The following CYP2J2 variants were observed in gnomAD, a reference collection of about 807,000 sequenced individuals.
CYP2J2 encodes the protein cytochrome P450 family 2 subfamily J member 2.
CYP2J2 carries 41 observed loss-of-function variants against 48.8 expected under a neutral mutation model. The ratio of observed to expected loss-of-function variants is 0.84; its 90% confidence interval spans 0.66 to 1.09. The LOEUF is 1.09. Among genes scored for constraint, CYP2J2 ranks in the 50% least tolerant of loss-of-function variants. The pLI, the probability that CYP2J2 is intolerant of heterozygous loss-of-function variation, is 0.00. For missense variants in CYP2J2, 644 were observed against 617.3 expected, an observed-to-expected ratio of 1.04 and a Z score of -0.46; for synonymous variants, 221 against 227.1, an observed-to-expected ratio of 0.97 and a Z score of 0.24.
chr1:59,920,187 A>G (rs1316747304), intron 1 of CYP2J2, among the ~76,000 whole-genome samples: 1 of 151,448 alleles, frequency 6.6e-6, no homozygotes, highest in Non-Finnish European at 1.5e-5. Context: ...CAGACAAACA[A>G]AAACCAACAA....
the CYP2J2 span, among the ~76,000 whole-genome samples, chr1:59,938,027 T>C: frequency 6.6e-6 from 1 of 152,198 alleles, no homozygotes; most frequent in African/African-American, 2.4e-5. Context: ...TTTTGAATTC[T>C]CTGTGTAAAA....
At chr1:59,905,129 T>C in intron 6 of CYP2J2, 71 bp from the exon 7 acceptor site, 2 of 1,433,130 alleles carry the variant, frequency 1.4e-6, no homozygotes, top group South Asian at 2.5e-5. Flanking sequence ...ATGAGTGGTC[T>C]CCAAGATGTC....
intron 7 of CYP2J2, among the ~76,000 whole-genome samples, chr1:59,903,647 C>A (rs1259008308): frequency 6.6e-6 from 1 of 152,158 alleles, no homozygotes; most frequent in Non-Finnish European, 1.5e-5. Context: ...CGAGCCTACA[C>A]ATGTACTCCC....
the CYP2J2 span, among the ~76,000 whole-genome samples, chr1:59,960,320 G>A: frequency 2.6e-5 from 4 of 152,312 alleles, no homozygotes; most frequent in Middle Eastern, 3.4e-3. Context: ...TACCCCATCC[G>A]AGTGAAGAGA....
intron 5 of CYP2J2, 94 bp downstream of exon 5, chr1:59,909,690 A>G (rs1379123403): frequency 1.1e-6 from 1 of 887,808 alleles, no homozygotes; most frequent in East Asian, 2.7e-5. Context: ...TTAGGCACCA[A>G]GTTTGTGATC....
intron 1 of CYP2J2, among the ~76,000 whole-genome samples, chr1:59,923,854 A>G (rs1302371709): frequency 6.6e-6 from 1 of 152,208 alleles, no homozygotes; most frequent in Non-Finnish European, 1.5e-5. Flanking sequence ...CAAGAGTCCA[A>G]GAAAGAGAGG....
At chr1:59,955,708 AAACTT>A in the CYP2J2 span, among the ~76,000 whole-genome samples, 1 of 152,194 alleles carries the variant, frequency 6.6e-6, no homozygotes, top group African/African-American at 2.4e-5. Context: ...TAGAACGCAT[AAACTT>A]AATGTATGCA....
chr1:59,960,836 T>C, the CYP2J2 span, among the ~76,000 whole-genome samples: 2 of 152,112 alleles, frequency 1.3e-5, no homozygotes, highest in Non-Finnish European at 2.9e-5. Flanking sequence ...CAAGACTCCA[T>C]CATCTTAAAA....
the CYP2J2 span, among the ~76,000 whole-genome samples, chr1:59,967,194 G>A: frequency 2.0e-5 from 3 of 152,082 alleles, no homozygotes; most frequent in Admixed American, 6.5e-5. Context: ...GCTCTTGCTC[G>A]AGGAGCCACA....
At chr1:59,951,629 T>C in the CYP2J2 span, among the ~76,000 whole-genome samples, 1 of 152,136 alleles carries the variant, frequency 6.6e-6, no homozygotes, top group African/African-American at 2.4e-5. Context: ...AAATGACTGG[T>C]CATGGAATGA....
At position 59,916,457 on chromosome 1, in the gene CYP2J2, T is replaced by G. The variant is rs1339875540; in HGVS notation, c.211-357A>C. Among the ~76,000 whole-genome samples the G allele has an allele frequency of 2.0e-5, 3 of 152,290 alleles. No individual in the cohort carries two copies. In the South Asian group the frequency reaches 6.2e-4, roughly 32 times the overall value. On this transcript the variant is annotated intron_variant, in intron 1 of 8. Transcript: ENST00000371204. Reference sequence around the variant, plus strand: ...TAATAAAATAAATAAGTTCTGGCCATGTGCAGTGGCTTACGCCTGTAATCC... The same window carrying G: ...TAATAAAATAAATAAGTTCTGGCCAGGTGCAGTGGCTTACGCCTGTAATCC...
At chr1:59,926,910 C>T (rs1644571738), upstream of CYP2J2, 4 of 650,744 alleles carry the variant, frequency 6.1e-6, no homozygotes, top group Admixed American at 1.2e-4. Context: ...GGACACGCAC[C>T]GGTCTCAGAA....
At chr1:59,926,962 C>T (rs1644572353), upstream of CYP2J2, among the ~76,000 whole-genome samples, 1 of 152,198 alleles carries the variant, frequency 6.6e-6, no homozygotes, top group Non-Finnish European at 1.5e-5. Flanking sequence ...TTAGAAAGCT[C>T]ATGGGTTTAC....
At chr1:59,942,208 T>C in the CYP2J2 span, among the ~76,000 whole-genome samples, 30 of 152,040 alleles carry the variant, frequency 2.0e-4, no homozygotes, top group African/African-American at 7.0e-4. Flanking sequence ...AATAAAGCTA[T>C]GTGAAAGAAA....
rs1234272705 is a variant in CYP2J2 at position 59,893,785 on chromosome 1, A to G, written c.1375T>C (p.Phe459Leu). ...LGEQLARTEL[F>L]IFFTSLMQKF... ...TGCATAAGGGAAGTGAAGAAAATAA[A>G]CAGCTCAGTCCTGGCCAACTGTTCT... The change falls in exon 9 of 9, where the codon TTT becomes CTT. Residue 459 changes from phenylalanine to leucine, a missense_variant. Phe to Leu is a conservative substitution (Grantham distance 22). Coordinates refer to ENST00000371204, the MANE Select transcript of CYP2J2 (RefSeq NM_000775.4). 3 of 1,613,280 alleles carry G rather than the reference A, an allele frequency of 1.9e-6. No individual in the cohort carries two copies. The highest frequency in any genetic ancestry group is 2.5e-6 in the Non-Finnish European group (3 of 1,179,688).
the CYP2J2 span, among the ~76,000 whole-genome samples, chr1:59,936,013 C>G: frequency 6.6e-6 from 1 of 152,130 alleles, no homozygotes; most frequent in Non-Finnish European, 1.5e-5. Context: ...GGTGATCCAC[C>G]TGCCTCAGCC....
At chr1:59,925,571 T>C (rs1050771427) in intron 1 of CYP2J2, among the ~76,000 whole-genome samples, 1 of 152,278 alleles carries the variant, frequency 6.6e-6, no homozygotes, top group East Asian at 1.9e-4. Context: ...AACATATTAA[T>C]TAAATAAGGA....
chr1:59,965,920 G>A, the CYP2J2 span, among the ~76,000 whole-genome samples: 1 of 152,096 alleles, frequency 6.6e-6, no homozygotes, highest in African/African-American at 2.4e-5. Context: ...CCAAAGTGCT[G>A]GGATTACAAG....
intron 1 of CYP2J2, among the ~76,000 whole-genome samples, chr1:59,923,648 A>G (rs552768781): frequency 4.0e-4 from 61 of 152,330 alleles, no homozygotes; most frequent in African/African-American, 1.4e-3. Context: ...TGAAAATACA[A>G]TAGAATAAAT....
Sources: allele counts gnomAD v4.1 joint callset (sites outside exome capture counted in the v4.1 genomes callset), GRCh38; gene constraint gnomAD v4.1.1; transcripts MANE v1.5; gene names NCBI Gene and HGNC (gene_info 2026-07-23, HGNC 2026-07-21).